SCML4: variants seen among roughly 807,000 people sequenced by gnomAD.
SCML4 encodes sex comb on midleg-like protein 4.
SCML4 carries 34 observed loss-of-function variants against 41.1 expected under a neutral mutation model. The ratio of observed to expected loss-of-function variants is 0.83; its 90% confidence interval spans 0.63 to 1.10. The LOEUF is 1.10. Ranked by LOEUF, SCML4 falls within the 50% of genes least tolerant of loss-of-function variation. SCML4 has a pLI of 0.00. For synonymous variants in SCML4, 214 were observed against 220.9 expected (o/e 0.97, Z 0.28); for missense variants, 522 against 534.1 (o/e 0.98, Z 0.22).
intron 1 of SCML4, among the ~76,000 whole-genome samples, chr6:107,778,781 A>G (rs760342532): frequency 6.6e-6 from 1 of 152,242 alleles, no homozygotes; most frequent in Non-Finnish European, 1.5e-5. Context: ...TGAGACATGT[A>G]TTCATGTATT....
the SCML4 span, among the ~76,000 whole-genome samples, chr6:107,845,575 T>C: frequency 6.6e-6 from 1 of 152,236 alleles, no homozygotes; most frequent in Non-Finnish European, 1.5e-5. Flanking sequence ...TGTTACTAAT[T>C]AGAACATTAC....
chr6:107,707,600 C>T (rs1773784397), intron 7 of SCML4, among the ~76,000 whole-genome samples: 1 of 152,086 alleles, frequency 6.6e-6, no homozygotes, highest in Non-Finnish European at 1.5e-5. Context: ...GGGCAGGAAA[C>T]AGGCACTCCT....
intron 1 of SCML4, among the ~76,000 whole-genome samples, chr6:107,803,163 AC>A (rs1348630627): frequency 2.0e-5 from 3 of 146,350 alleles, no homozygotes; most frequent in Admixed American, 2.0e-4. Context: ...CCCGGCCGCC[AC>A]CCCATCTGGG....
At chr6:107,729,787 A>G (rs1160713686) in intron 5 of SCML4, among the ~76,000 whole-genome samples, 1 of 152,260 alleles carries the variant, frequency 6.6e-6, no homozygotes, top group Non-Finnish European at 1.5e-5. Flanking sequence ...TGGTAAATTA[A>G]TATTTGGAAT....
chr6:107,730,193 G>A (rs1437049607), intron 5 of SCML4, among the ~76,000 whole-genome samples: 1 of 152,186 alleles, frequency 6.6e-6, no homozygotes, highest in African/African-American at 2.4e-5. Context: ...TCTGTATCTG[G>A]AGAGGGAACC....
chr6:107,796,664 C>T (rs1038416304), intron 1 of SCML4, among the ~76,000 whole-genome samples: 1 of 152,070 alleles, frequency 6.6e-6, no homozygotes, highest in South Asian at 2.1e-4. Flanking sequence ...AGATAGCAAC[C>T]TTTTGTTTTA....
chr6:107,719,407 G>A (rs943027325), intron 6 of SCML4: 7 of 152,372 alleles, frequency 4.6e-5, no homozygotes, highest in African/African-American at 1.4e-4. Flanking sequence ...AATAGCTCAC[G>A]TGTGCGGCTT....
upstream of SCML4, among the ~76,000 whole-genome samples, chr6:107,827,298 GT>G (rs1399818902): frequency 8.5e-5 from 12 of 140,900 alleles, no homozygotes; most frequent in East Asian, 2.5e-3. Context: ...ATATATATTT[GT>G]TTTTTACTTA....
At chr6:107,771,760 A>G (rs77659221) in intron 2 of SCML4, among the ~76,000 whole-genome samples, 4,323 of 152,308 alleles carry the variant, frequency 0.028, 215 homozygotes, top group African/African-American at 0.099. Context: ...TAAATGTCTC[A>G]GGAACATCAT....
At chr6:107,804,407 A>G (rs533601338) in intron 1 of SCML4, among the ~76,000 whole-genome samples, 2 of 152,258 alleles carry the variant, frequency 1.3e-5, no homozygotes, top group South Asian at 4.1e-4. Context: ...CTCCATTCTC[A>G]ATTTTAATTT....
chr6:107,770,905 T>C (rs1389826460), intron 2 of SCML4, among the ~76,000 whole-genome samples: 2 of 152,180 alleles, frequency 1.3e-5, no homozygotes, highest in Non-Finnish European at 2.9e-5. Flanking sequence ...GCTGCCCTGC[T>C]CCAGCCCTCC....
the SCML4 span, among the ~76,000 whole-genome samples, chr6:107,845,729 T>C: frequency 2.0e-5 from 3 of 152,050 alleles, no homozygotes; most frequent in Middle Eastern, 3.2e-3. Flanking sequence ...TACATTAGGG[T>C]TTTATGAGCA....
chr6:107,778,222 A>AATATATATATAT (rs1163805768), intron 1 of SCML4, among the ~76,000 whole-genome samples: 62 of 15,174 alleles, frequency 4.1e-3, no homozygotes, highest in Admixed American at 6.6e-3. Context: ...AAAAAAAAAA[A>AATATATATATAT]ATATATATAT....
chr6:107,776,251 C>T (rs1045919081), intron 1 of SCML4, among the ~76,000 whole-genome samples: 1 of 152,078 alleles, frequency 6.6e-6, no homozygotes. Flanking sequence ...CATATGGGAA[C>T]AACAAAAGGT....
upstream of SCML4, among the ~76,000 whole-genome samples, chr6:107,824,898 G>T (rs1250688352): frequency 6.6e-6 from 1 of 152,156 alleles, no homozygotes; most frequent in Non-Finnish European, 1.5e-5. Flanking sequence ...GCCTATCCAG[G>T]TGTGTGCACA....
the SCML4 span, among the ~76,000 whole-genome samples, chr6:107,845,711 C>T: frequency 6.6e-6 from 1 of 152,182 alleles, no homozygotes; most frequent in Non-Finnish European, 1.5e-5. Context: ...TATGACAGAA[C>T]ACAGGGTTAC....
chr6:107,749,796 G>C lies in SCML4; in HGVS notation c.174C>G (p.Leu58=). Reference sequence around the variant, plus strand: ...GAGGTGAGAGGGCTAAGGGAGTCATGAGAACCCGAGACTTGATCTGGAAGA... The same window carrying C: ...GAGGTGAGAGGGCTAAGGGAGTCATCAGAACCCGAGACTTGATCTGGAAGA... ...KPGYKIKSRV[L]MTPLALSPPR... is the part of the protein sequence containing the mutation. The change falls in exon 3 of 8, where the codon CTC becomes CTG. Residue 58 remains leucine (L), a synonymous_variant. Coordinates refer to ENST00000369020, the MANE Select transcript of SCML4 (RefSeq NM_198081.5). The C allele has an allele frequency of 6.2e-7, 1 of 1,614,112 alleles. No homozygotes were observed. The highest frequency in any genetic ancestry group is 8.5e-7 in the Non-Finnish European group (1 of 1,179,998).
chr6:107,745,063 C>A lies in SCML4; in HGVS notation c.568G>T (p.Ala190Ser), dbSNP rs1301055485. The change falls in exon 5 of 8, where the codon GCC becomes TCC. Residue 190 changes from alanine (A) to serine (S), a missense_variant. By Grantham distance (99) the Ala-to-Ser change is moderately conservative. Transcript: ENST00000369020. ...CACAGGAGGCTTCGGCACAGCTTGGCGAGGAAGCGGAGGACATAGCCGATG... is the reference window on the plus strand; with the variant it reads ...CACAGGAGGCTTCGGCACAGCTTGGAGAGGAAGCGGAGGACATAGCCGATG... ...NSIGYVLRFL[A>S]KLCRSLLCDD... is the part of the protein sequence containing the mutation. The A allele has an allele frequency of 1.8e-5, 29 of 1,613,866 alleles. No individual in the cohort carries two copies. The highest frequency in any genetic ancestry group is 1.7e-4 in the Middle Eastern group (1 of 6,058).
At chr6:107,731,004 C>G (rs80329557) in intron 5 of SCML4, among the ~76,000 whole-genome samples, 1 of 152,276 alleles carries the variant, frequency 6.6e-6, no homozygotes, top group East Asian at 1.9e-4. Context: ...GCCCCTGCAT[C>G]CATGGCTTCC....
Sources: allele counts gnomAD v4.1 joint callset (sites outside exome capture counted in the v4.1 genomes callset), GRCh38; gene constraint gnomAD v4.1.1; transcripts MANE v1.5; gene names NCBI Gene and HGNC (gene_info 2026-07-23, HGNC 2026-07-21).